TBL1XR1: variants seen among roughly 807,000 people sequenced by gnomAD.
TBL1XR1 encodes F-box-like/WD repeat-containing protein TBL1XR1.
TBL1XR1 carries 5 observed loss-of-function variants against 66.9 expected under a neutral mutation model. That is an observed-to-expected ratio of 0.07 (90% CI 0.04 to 0.16). The LOEUF (loss-of-function observed/expected upper bound fraction) is 0.16, where lower values mean the gene tolerates loss of function less well. TBL1XR1 is among the 10% of genes least tolerant of loss of function. The pLI, the probability that TBL1XR1 is intolerant of heterozygous loss-of-function variation, is 1.00. For missense variants in TBL1XR1, 238 were observed against 623.2 expected, an observed-to-expected ratio of 0.38 and a Z score of 6.58; for synonymous variants, 210 against 206.0, an observed-to-expected ratio of 1.02 and a Z score of -0.17.
chr3:177,031,042 G>A lies in TBL1XR1; in HGVS notation c.1416+1929C>T, dbSNP rs749498093. On this transcript the variant is annotated intron_variant, in intron 14 of 15. Transcript: ENST00000457928. ...CAGGAGAATCGCTTGAACCCAGGAGGTGGAGGTTGCAGTTAGCCGAGATCG... is the reference window on the plus strand; with the variant it reads ...CAGGAGAATCGCTTGAACCCAGGAGATGGAGGTTGCAGTTAGCCGAGATCG... 2.6e-5 allele frequency among the ~76,000 whole-genome samples: 4 copies of A among 152,296 alleles called. 1 individual carries two copies. In the Middle Eastern group the frequency reaches 0.01, roughly 389 times the overall value.
chr3:177,187,793 C>A (rs1735610206), intron 1 of TBL1XR1, among the ~76,000 whole-genome samples: 1 of 151,812 alleles, frequency 6.6e-6, no homozygotes, highest in Admixed American at 6.6e-5. Context: ...GATTCCACAT[C>A]CGATCTCAGA....
intron 1 of TBL1XR1, among the ~76,000 whole-genome samples, chr3:177,098,875 T>C (rs1723835765): frequency 6.6e-6 from 1 of 152,210 alleles, no homozygotes; most frequent in African/African-American, 2.4e-5. Flanking sequence ...TAATCTATAA[T>C]CATGGGCCAC....
intron 1 of TBL1XR1, among the ~76,000 whole-genome samples, chr3:177,130,991 G>A (rs1291699933): frequency 1.3e-5 from 2 of 152,124 alleles, no homozygotes; most frequent in Non-Finnish European, 2.9e-5. Flanking sequence ...GCAAGACCCT[G>A]TCTCTAAAAT....
At chr3:177,045,354 C>T (rs1182812456) in intron 10 of TBL1XR1, among the ~76,000 whole-genome samples, 2 of 152,066 alleles carry the variant, frequency 1.3e-5, no homozygotes, top group African/African-American at 4.8e-5. Context: ...AGTTTAACAT[C>T]ATTTAGTTAC....
chr3:177,101,315 T>C (rs981151718), intron 1 of TBL1XR1, among the ~76,000 whole-genome samples: 17 of 152,172 alleles, frequency 1.1e-4, no homozygotes, highest in Admixed American at 2.6e-4. Context: ...GATTAAGTCA[T>C]GAGCCTGTTT....
chr3:177,140,487 C>T (rs1729508900), intron 1 of TBL1XR1, among the ~76,000 whole-genome samples: 1 of 152,152 alleles, frequency 6.6e-6, no homozygotes, highest in Non-Finnish European at 1.5e-5. Context: ...GCTGTCAAGT[C>T]AGATTTGCCA....
intron 10 of TBL1XR1, among the ~76,000 whole-genome samples, chr3:177,045,749 T>TATC (rs1443724160): frequency 6.6e-6 from 1 of 152,150 alleles, no homozygotes; most frequent in Non-Finnish European, 1.5e-5. Context: ...TTATTATTAT[T>TATC]ATCCCTCATT....
chr3:177,102,673 C>T (rs1158115347), intron 1 of TBL1XR1, among the ~76,000 whole-genome samples: 1 of 152,204 alleles, frequency 6.6e-6, no homozygotes, highest in Non-Finnish European at 1.5e-5. Flanking sequence ...TCTACTCTCA[C>T]CACAGCAGAT....
chr3:177,112,280 G>T (rs1331326957), intron 1 of TBL1XR1, among the ~76,000 whole-genome samples: 1 of 150,446 alleles, frequency 6.6e-6, no homozygotes, highest in Non-Finnish European at 1.5e-5. Flanking sequence ...GCTAATTTTT[G>T]TATTTTTAGT....
chr3:177,029,718 T>G (rs541862458), intron 14 of TBL1XR1, among the ~76,000 whole-genome samples: 21 of 152,272 alleles, frequency 1.4e-4, no homozygotes, highest in African/African-American at 5.1e-4. Flanking sequence ...GGGAGATCAC[T>G]GGAATCCATA....
intron 1 of TBL1XR1, among the ~76,000 whole-genome samples, chr3:177,154,184 A>C (rs1731227077): frequency 6.6e-6 from 1 of 152,164 alleles, no homozygotes; most frequent in Admixed American, 6.5e-5. Context: ...GATAAATAAA[A>C]AATGGAAAAT....
intron 1 of TBL1XR1, among the ~76,000 whole-genome samples, chr3:177,134,261 T>C (rs941605647): frequency 1.3e-5 from 2 of 152,144 alleles, no homozygotes; most frequent in Admixed American, 1.3e-4. Flanking sequence ...TTCTGTTGCT[T>C]GCAAACAAAA....
chr3:177,178,073 G>C (rs1212331354), intron 1 of TBL1XR1, among the ~76,000 whole-genome samples: 2 of 152,294 alleles, frequency 1.3e-5, no homozygotes, highest in Admixed American at 6.5e-5. Context: ...ATGAGGCAAA[G>C]AACAAAGTAA....
chr3:177,070,219 C>T (rs1320043712), intron 2 of TBL1XR1, among the ~76,000 whole-genome samples: 1 of 152,124 alleles, frequency 6.6e-6, no homozygotes, highest in Non-Finnish European at 1.5e-5. Context: ...TTTTTATACC[C>T]AAAAGACCTC....
At chr3:177,091,216 C>A (rs527590443) in intron 2 of TBL1XR1, 53 of 151,990 alleles carry the variant, frequency 3.5e-4, no homozygotes, top group Admixed American at 9.8e-4. Context: ...ATGAAAACAA[C>A]AGTCACTACT....
rs1712144966 is a variant in TBL1XR1, at chr3:177,019,992, AAAAAAAAG to A, written c.*5498_*5505del. On this transcript the variant is annotated 3_prime_UTR_variant, in exon 16 of 16. Coordinates refer to ENST00000457928, the MANE Select transcript of TBL1XR1 (RefSeq NM_024665.7). ...CTAGAGAGTGTAAATTCTTAAAAAA[AAAAAAAAG>A]AAAATATGCTCAATGATTCTTTTTA... 6.6e-6 allele frequency: 1 copy of A among 151,428 alleles called. No individual in the cohort carries two copies. The highest frequency in any genetic ancestry group is 1.5e-5 in the Non-Finnish European group (1 of 67,958). 9.4% of individuals were successfully genotyped at this position (151,428 alleles called of 1,614,324 possible).
chr3:177,198,623 C>G (rs1737230154), upstream of TBL1XR1, among the ~76,000 whole-genome samples: 1 of 152,194 alleles, frequency 6.6e-6, no homozygotes, highest in South Asian at 2.1e-4. Flanking sequence ...GGGTAGGGTG[C>G]TTTTTAGAGC....
At chr3:177,038,756 T>C (rs1715160832) in intron 10 of TBL1XR1, among the ~76,000 whole-genome samples, 2 of 152,282 alleles carry the variant, frequency 1.3e-5, no homozygotes, top group Non-Finnish European at 2.9e-5. Flanking sequence ...TTAAATGTGA[T>C]GATATCATGC....
At chr3:177,099,165 G>A (rs185075611) in intron 1 of TBL1XR1, among the ~76,000 whole-genome samples, 16 of 152,196 alleles carry the variant, frequency 1.1e-4, no homozygotes, top group Admixed American at 5.9e-4. Flanking sequence ...TCAGGAATTC[G>A]AGATCAGCCT....
Sources: gnomAD v4.1 joint callset for allele counts (sites outside exome capture counted in the v4.1 genomes callset) on GRCh38, gnomAD v4.1.1 for gene constraint, MANE v1.5 for transcripts, NCBI Gene and HGNC (gene_info 2026-07-23, HGNC 2026-07-21) for gene names.